Variants in CNTNAP2 observed in about 807,000 individuals in gnomAD.
CNTNAP2 encodes contactin-associated protein-like 2.
CNTNAP2 carries 98 observed loss-of-function variants against 155.2 expected under a neutral mutation model. That is an observed-to-expected ratio of 0.63 (90% CI 0.54 to 0.75). CNTNAP2 has a LOEUF of 0.75. CNTNAP2 is among the 30% of genes least tolerant of loss of function. The probability of loss-of-function intolerance (pLI) is 0.00; values close to 1 mark genes in which losing one functional copy is unlikely to be tolerated. For missense variants in CNTNAP2, 1,727 were observed against 1,688.1 expected, an observed-to-expected ratio of 1.02 and a Z score of -0.40; for synonymous variants, 651 against 631.2, an observed-to-expected ratio of 1.03 and a Z score of -0.47.
At chr7:146,168,519 C>T (rs979484507) in intron 1 of CNTNAP2, among the ~76,000 whole-genome samples, 1 of 152,090 alleles carries the variant, frequency 6.6e-6, no homozygotes, top group Non-Finnish European at 1.5e-5. Context: ...ATGTACCATC[C>T]TTAGATTTCT....
intron 8 of CNTNAP2, among the ~76,000 whole-genome samples, chr7:147,274,746 C>T (rs1436473345): frequency 3.3e-5 from 5 of 151,912 alleles, no homozygotes; most frequent in African/African-American, 1.2e-4. Context: ...AATTCTTTCC[C>T]TAGACCAATG....
At chr7:146,418,481 G>C (rs1221809816) in intron 1 of CNTNAP2, among the ~76,000 whole-genome samples, 1 of 152,090 alleles carries the variant, frequency 6.6e-6, no homozygotes, top group Non-Finnish European at 1.5e-5. Context: ...ACTATCAACT[G>C]TTGGCTTTAC....
intron 1 of CNTNAP2, among the ~76,000 whole-genome samples, chr7:146,301,123 C>A (rs1302879668): frequency 6.6e-6 from 1 of 152,006 alleles, no homozygotes; most frequent in Admixed American, 6.5e-5. Flanking sequence ...TCCAGGTCAA[C>A]AGAATCAAAG....
chr7:147,136,114 T>A (rs1801472423), intron 8 of CNTNAP2, among the ~76,000 whole-genome samples: 1 of 151,802 alleles, frequency 6.6e-6, no homozygotes, highest in African/African-American at 2.4e-5. Context: ...TTTAGAACAA[T>A]ACTCAGTTGT....
rs1490418389 is a variant in CNTNAP2 at position 148,106,493 on chromosome 7, G to GATAGATAGATAGATAGATATATATATAT, written c.2384-11622_2384-11621insGATAGATAGATAGATATATATATATATA. Among the ~76,000 whole-genome samples the GATAGATAGATAGATAGATATATATATAT allele has an allele frequency of 2.8e-4, 35 of 124,912 alleles. 1 individual carries two copies. The highest frequency in any genetic ancestry group is 1.2e-3 in the African/African-American group (34 of 28,994). The allele number at this position is 124,912 out of a possible 152,430, so 81.9% of individuals were successfully genotyped here. On this transcript the variant is annotated intron_variant, in intron 15 of 23. Coordinates refer to ENST00000361727, the MANE Select transcript of CNTNAP2 (RefSeq NM_014141.6). ...CACTTCAGTGTACTGCACACTTTGA[G>GATAGATAGATAGATAGATATATATATAT]ATATATATATATATATATATATATA...
intron 21 of CNTNAP2, among the ~76,000 whole-genome samples, chr7:148,326,369 G>A (rs1797887521): frequency 6.6e-6 from 1 of 152,038 alleles, no homozygotes; most frequent in African/African-American, 2.4e-5. Context: ...TCCATGATCT[G>A]TCCTCTGCAA....
chr7:148,191,653 C>A (rs1379783471), intron 18 of CNTNAP2, among the ~76,000 whole-genome samples: 1 of 152,046 alleles, frequency 6.6e-6, no homozygotes, highest in Non-Finnish European at 1.5e-5. Flanking sequence ...CTTCATATGG[C>A]AGAAGGAGAG....
At chr7:147,812,296 G>A (rs1333090013) in intron 13 of CNTNAP2, among the ~76,000 whole-genome samples, 4 of 151,988 alleles carry the variant, frequency 2.6e-5, no homozygotes, top group Non-Finnish European at 4.4e-5. Flanking sequence ...AGACTTTTTC[G>A]TTGTTGATGT....
intron 1 of CNTNAP2, among the ~76,000 whole-genome samples, chr7:146,209,965 A>G (rs115284724): frequency 0.021 from 3,144 of 152,236 alleles, 96 homozygotes; most frequent in African/African-American, 0.066. Flanking sequence ...CTTACTGTAC[A>G]GGGCCTGGCT....
chr7:146,984,224 G>A (rs533669891), intron 3 of CNTNAP2, among the ~76,000 whole-genome samples: 4 of 151,782 alleles, frequency 2.6e-5, no homozygotes, highest in South Asian at 2.1e-4. Flanking sequence ...AAAATTAGTC[G>A]GGTGTGGTGG....
chr7:147,897,863 C>A (rs10265762), intron 13 of CNTNAP2, among the ~76,000 whole-genome samples: 2,608 of 152,328 alleles, frequency 0.017, 77 homozygotes, highest in African/African-American at 0.057. Flanking sequence ...TGCTTTACCA[C>A]TTACCCTGAT....
chr7:147,978,245 TATG>T, intron 15 of CNTNAP2: 1 of 494,906 alleles, frequency 2.0e-6, no homozygotes, highest in Non-Finnish European at 3.7e-6. Flanking sequence ...TACCTAAGTT[TATG>T]ATGATATTAA....
At chr7:148,212,976 G>A (rs957690886) in intron 18 of CNTNAP2, among the ~76,000 whole-genome samples, 19 of 152,102 alleles carry the variant, frequency 1.2e-4, no homozygotes, top group Admixed American at 6.5e-4. Flanking sequence ...AGTCTCTGAG[G>A]CATATTTTTG....
At chr7:147,266,817 G>A (rs1804621923) in intron 8 of CNTNAP2, among the ~76,000 whole-genome samples, 1 of 152,076 alleles carries the variant, frequency 6.6e-6, no homozygotes, top group Non-Finnish European at 1.5e-5. Context: ...CTTTATTTAA[G>A]TTTCCAACTT....
intron 16 of CNTNAP2, among the ~76,000 whole-genome samples, chr7:148,120,933 A>G (rs185133472): frequency 1.2e-3 from 181 of 152,330 alleles, no homozygotes; most frequent in African/African-American, 4.2e-3. Context: ...GAAAAACTAC[A>G]AAGCAAACCA....
chr7:146,911,048 T>A (rs1219504622), intron 3 of CNTNAP2, among the ~76,000 whole-genome samples: 1 of 151,810 alleles, frequency 6.6e-6, no homozygotes, highest in African/African-American at 2.4e-5. Context: ...AAAAAACACA[T>A]GAAAAAATGC....
intron 15 of CNTNAP2, among the ~76,000 whole-genome samples, chr7:148,022,278 G>A (rs972260345): frequency 6.6e-6 from 1 of 152,040 alleles, no homozygotes; most frequent in Non-Finnish European, 1.5e-5. Flanking sequence ...GACCAGCCCG[G>A]GAAACGCGGT....
chr7:148,111,668 A>T (rs557572002), intron 15 of CNTNAP2, among the ~76,000 whole-genome samples: 1,666 of 152,306 alleles, frequency 0.011, 21 homozygotes, highest in South Asian at 0.042. Context: ...GAGTTAAAGA[A>T]AAGATCCTGA....
intron 4 of CNTNAP2, among the ~76,000 whole-genome samples, chr7:147,061,981 A>G (rs977631076): frequency 1.3e-5 from 2 of 151,076 alleles, no homozygotes; most frequent in African/African-American, 4.9e-5. Flanking sequence ...ACAAAAATTT[A>G]GCCAGGCGTG....
Sources: allele counts gnomAD v4.1 joint callset (sites outside exome capture counted in the v4.1 genomes callset), GRCh38; gene constraint gnomAD v4.1.1; transcripts MANE v1.5; gene names NCBI Gene and HGNC (gene_info 2026-07-23, HGNC 2026-07-21).